The following AGBL1 variants were observed in gnomAD, a reference collection of about 807,000 sequenced individuals.
The protein encoded by AGBL1 is cytosolic carboxypeptidase 4.
Under a neutral mutation model 118.9 loss-of-function variants are expected in AGBL1, and 130 were observed. The ratio of observed to expected loss-of-function variants is 1.09; its 90% CI spans 0.95 to 1.26. The LOEUF (loss-of-function observed/expected upper bound fraction) is 1.26, where lower values mean the gene tolerates loss of function less well. Ranked by LOEUF, AGBL1 falls within the 50% of genes most tolerant of loss-of-function variation. The pLI, the probability that AGBL1 is intolerant of heterozygous loss-of-function variation, is 0.00. For synonymous variants in AGBL1, 555 were observed against 478.9 expected (o/e 1.16, Z -2.08); for missense variants, 1,584 against 1,298.1 (o/e 1.22, Z -3.38).
intron 22 of AGBL1, among the ~76,000 whole-genome samples, chr15:86,816,177 C>T (rs1433313466): frequency 6.6e-6 from 1 of 152,142 alleles, no homozygotes. Context: ...TGGGAACACC[C>T]ACCTTTAGGA....
chr15:86,267,239 G>A (rs957983122), intron 13 of AGBL1, among the ~76,000 whole-genome samples, 163 bp downstream of exon 13: 1 of 152,042 alleles, frequency 6.6e-6, no homozygotes, highest in Admixed American at 6.6e-5. Context: ...ACGAGTGAAG[G>A]TTTTTCCTTT....
At chr15:86,259,510 A>G (rs368195883) in intron 9 of AGBL1, among the ~76,000 whole-genome samples, 13 of 152,292 alleles carry the variant, frequency 8.5e-5, no homozygotes, top group African/African-American at 3.1e-4. Flanking sequence ...ATCTGTCTAG[A>G]AAGAAAGAGG....
chr15:86,905,759 A>G (rs190951229), intron 22 of AGBL1, among the ~76,000 whole-genome samples: 3 of 152,320 alleles, frequency 2.0e-5, no homozygotes, highest in Non-Finnish European at 2.9e-5. Context: ...ACCTAGCATG[A>G]TGGAGGTGAG....
At chr15:86,383,722 G>A (rs1205193516) in intron 17 of AGBL1, among the ~76,000 whole-genome samples, 7 of 152,180 alleles carry the variant, frequency 4.6e-5, no homozygotes, top group South Asian at 2.1e-4. Context: ...ACTTCAGCCC[G>A]CTGCAGTGCT....
chr15:86,191,945 A>G (rs991687426), intron 5 of AGBL1, among the ~76,000 whole-genome samples: 20 of 151,082 alleles, frequency 1.3e-4, no homozygotes, highest in African/African-American at 4.8e-4. Context: ...CACAAAAAAC[A>G]CAAAAATTAG....
intron 18 of AGBL1, among the ~76,000 whole-genome samples, chr15:86,443,421 T>A (rs2082087455): frequency 6.6e-6 from 1 of 152,224 alleles, no homozygotes; most frequent in Non-Finnish European, 1.5e-5. Flanking sequence ...TATTAGCATA[T>A]CTATCACTTC....
intron 21 of AGBL1, among the ~76,000 whole-genome samples, chr15:86,662,987 G>C (rs962645202): frequency 2.0e-5 from 3 of 152,162 alleles, no homozygotes. Context: ...AAGAACACTG[G>C]ATGGACTTGA....
At chr15:86,651,146 C>G (rs1048179779) in intron 21 of AGBL1, among the ~76,000 whole-genome samples, 4 of 152,154 alleles carry the variant, frequency 2.6e-5, no homozygotes, top group Non-Finnish European at 4.4e-5. Flanking sequence ...GATAAAAATG[C>G]ATCTCATCTG....
intron 1 of AGBL1, among the ~76,000 whole-genome samples, chr15:86,112,272 A>G (rs954107354): frequency 6.6e-5 from 10 of 152,008 alleles, no homozygotes; most frequent in Non-Finnish European, 1.0e-4. Flanking sequence ...GGAGCTCTGC[A>G]TTGATAGAAA....
At chr15:86,455,989 G>A (rs747046865) in intron 18 of AGBL1, among the ~76,000 whole-genome samples, 1 of 152,020 alleles carries the variant, frequency 6.6e-6, no homozygotes, top group Admixed American at 6.6e-5. Context: ...CTTGCAACAC[G>A]TCTGACAAAT....
At chr15:86,738,633 A>G (rs2077635274) in intron 22 of AGBL1, among the ~76,000 whole-genome samples, 1 of 152,196 alleles carries the variant, frequency 6.6e-6, no homozygotes, top group Admixed American at 6.5e-5. Flanking sequence ...CATTATTGCC[A>G]ATATTCTGGC....
At chr15:86,372,449 C>T (rs895606533) in intron 17 of AGBL1, among the ~76,000 whole-genome samples, 5 of 152,064 alleles carry the variant, frequency 3.3e-5, no homozygotes, top group African/African-American at 1.2e-4. Flanking sequence ...ATTCATTCTA[C>T]CCATCATTTC....
chr15:86,401,215 T>C (rs1231528796), intron 18 of AGBL1, among the ~76,000 whole-genome samples: 3 of 152,254 alleles, frequency 2.0e-5, no homozygotes, highest in South Asian at 2.1e-4. Context: ...ATTAGTGAAG[T>C]TGAGCATTTT....
intron 18 of AGBL1, among the ~76,000 whole-genome samples, chr15:86,434,395 G>A (rs1396131329): frequency 6.6e-6 from 1 of 152,244 alleles, no homozygotes; most frequent in Non-Finnish European, 1.5e-5. Flanking sequence ...GAGGCGAGAA[G>A]AGATGCTGAG....
At position 86,554,375 on chromosome 15, in the gene AGBL1, C is replaced by G. The variant is rs957795902; in HGVS notation, c.2832C>G (p.Ile944Met). Residue 944 changes from isoleucine to methionine, a missense_variant, in exon 21 of 23, where the codon ATC (isoleucine) becomes ATG (methionine). Physicochemically the swap from Ile to Met is conservative, Grantham distance 10 (BLOSUM62 1). Coordinates refer to ENST00000614907, the MANE Select transcript of AGBL1 (RefSeq NM_001386094.1). Reference protein sequence around the residue: ...EEVNYRTLPKILDKLAPAFTM... With the variant: ...EEVNYRTLPKMLDKLAPAFTM... ...TTTTACTGTAGACTCTTCCCAAAAT[C>G]CTTGATAAGCTAGCACCAGCATTCA... 1 of 1,580,128 alleles carries G rather than the reference C, an allele frequency of 6.3e-7. No homozygotes were observed. Among genetic ancestry groups the G allele is most frequent in the Non-Finnish European group, 8.6e-7 (1 of 1,162,926 alleles).
intron 21 of AGBL1, among the ~76,000 whole-genome samples, chr15:86,583,558 A>G (rs926120525): frequency 6.6e-6 from 1 of 152,060 alleles, no homozygotes; most frequent in Admixed American, 6.6e-5. Context: ...ATATATGTAC[A>G]TTTCCTTTAT....
chr15:86,410,362 C>A (rs2081590488), intron 18 of AGBL1, among the ~76,000 whole-genome samples: 1 of 152,100 alleles, frequency 6.6e-6, no homozygotes, highest in Non-Finnish European at 1.5e-5. Context: ...ACTTTGTTTT[C>A]ATCAGTGATG....
intron 15 of AGBL1, 32 bp from the exon 16 acceptor site, chr15:86,279,607 T>C (rs1271643815): frequency 1.9e-6 from 3 of 1,605,350 alleles, no homozygotes; most frequent in Admixed American, 1.7e-5. Context: ...ACCTCTCCCT[T>C]ATTCTCTTCT....
intron 7 of AGBL1, among the ~76,000 whole-genome samples, chr15:86,253,175 G>C (rs920114223): frequency 8.5e-5 from 13 of 152,194 alleles, no homozygotes; most frequent in African/African-American, 2.9e-4. Flanking sequence ...TTGAGTTGGA[G>C]TCATGGGCAG....
Sources: allele counts gnomAD v4.1 joint callset (sites outside exome capture counted in the v4.1 genomes callset), GRCh38; gene constraint gnomAD v4.1.1; transcripts MANE v1.5; gene names NCBI Gene and HGNC (gene_info 2026-07-23, HGNC 2026-07-21).